Variants in ARMH3 observed in about 807,000 individuals in gnomAD.
ARMH3 encodes armadillo-like helical domain-containing protein 3.
Under a neutral mutation model 99.1 loss-of-function variants are expected in ARMH3, and 60 were observed. That is an observed-to-expected ratio of 0.61 (90% CI 0.49 to 0.75). The LOEUF is 0.75. ARMH3 is among the 30% of genes least tolerant of loss of function. ARMH3 has a pLI of 0.00. For missense variants in ARMH3, 679 were observed against 843.1 expected (o/e 0.81, Z 2.41); for synonymous variants, 285 against 292.8 (o/e 0.97, Z 0.27).
intron 23 of ARMH3, among the ~76,000 whole-genome samples, chr10:101,897,771 C>T (rs1441413422): frequency 3.3e-5 from 5 of 152,190 alleles, no homozygotes; most frequent in Non-Finnish European, 5.9e-5. Context: ...GGCACTGTGC[C>T]CAATGCACCT....
At chr10:102,044,180 G>A (rs184274507) in intron 1 of ARMH3, among the ~76,000 whole-genome samples, 78 of 146,464 alleles carry the variant, frequency 5.3e-4, no homozygotes, top group African/African-American at 1.8e-3. Flanking sequence ...TGCAAGCTCC[G>A]CCTCCTGGGT....
chr10:101,864,078 AACACACACACACAC>A (rs71016353), intron 24 of ARMH3, among the ~76,000 whole-genome samples: 2 of 106,278 alleles, frequency 1.9e-5, no homozygotes, highest in Non-Finnish European at 1.9e-5. Context: ...AAAAAAAAAA[AACACACACACACAC>A]ACACACACAC....
chr10:101,932,172 A>T (rs1271393418), intron 23 of ARMH3, among the ~76,000 whole-genome samples: 1 of 152,256 alleles, frequency 6.6e-6, no homozygotes, highest in Non-Finnish European at 1.5e-5. Flanking sequence ...ATCACTAGTT[A>T]TTTAAAAAAA....
At chr10:101,987,294 G>A (rs1049910950) in intron 19 of ARMH3, among the ~76,000 whole-genome samples, 3 of 152,016 alleles carry the variant, frequency 2.0e-5, no homozygotes, top group Non-Finnish European at 4.4e-5. Flanking sequence ...AAACATGCTG[G>A]TCCCCTACGT....
At chr10:101,900,134 C>A (rs1438094035) in intron 23 of ARMH3, among the ~76,000 whole-genome samples, 1 of 152,160 alleles carries the variant, frequency 6.6e-6, no homozygotes, top group African/African-American at 2.4e-5. Flanking sequence ...TAAGATTATC[C>A]TATCGTTGCT....
chr10:101,986,389 G>T lies in ARMH3; in HGVS notation c.1406+4162C>A, dbSNP rs746413405. 1.1e-3 allele frequency among the ~76,000 whole-genome samples: 171 copies of T among 152,072 alleles called. 4 individuals carry two copies. The highest frequency in any genetic ancestry group is 3.1e-4 in the Non-Finnish European group (21 of 68,014). ...AGCAAGAATCAAGGAGTACAGCTAG[G>T]AGGTGAAAGTAATTGGTTCGGTTTT... On this transcript the variant is annotated intron_variant, in intron 19 of 25. Coordinates refer to ENST00000370033, the MANE Select transcript of ARMH3 (RefSeq NM_024541.3).
At chr10:101,877,830 T>C (rs1237915996) in intron 24 of ARMH3, among the ~76,000 whole-genome samples, 2 of 152,172 alleles carry the variant, frequency 1.3e-5, no homozygotes, top group Admixed American at 1.3e-4. Context: ...CTGACAGTGA[T>C]AGAGATGAAT....
intron 24 of ARMH3, among the ~76,000 whole-genome samples, chr10:101,869,760 A>G (rs1036783564): frequency 1.2e-4 from 18 of 152,254 alleles, no homozygotes; most frequent in African/African-American, 3.4e-4. Flanking sequence ...CAGGCTGGGC[A>G]TAGTGGTAAC....
At chr10:101,947,936 C>T (rs1844620537) in intron 22 of ARMH3, among the ~76,000 whole-genome samples, 1 of 151,650 alleles carries the variant, frequency 6.6e-6, no homozygotes, top group Middle Eastern at 3.2e-3. Context: ...AGAGTAACTG[C>T]TAAAAAATAC....
chr10:101,908,664 CTTTT>C (rs373262667), intron 23 of ARMH3, among the ~76,000 whole-genome samples: 3 of 137,338 alleles, frequency 2.2e-5, no homozygotes, highest in Non-Finnish European at 4.8e-5. Context: ...TTTTCTTTTT[CTTTT>C]TTTTTTTTTT....
chr10:101,863,455 A>C (rs927896435), intron 24 of ARMH3, among the ~76,000 whole-genome samples: 1 of 152,234 alleles, frequency 6.6e-6, no homozygotes, highest in Non-Finnish European at 1.5e-5. Context: ...TACAAGTTGA[A>C]GGTTTCCATA....
chr10:101,962,055 TGA>T (rs1195703837), intron 20 of ARMH3, among the ~76,000 whole-genome samples: 2 of 152,240 alleles, frequency 1.3e-5, no homozygotes, highest in Non-Finnish European at 2.9e-5. Flanking sequence ...ACTCCTGGTC[TGA>T]GAGATTTCCA....
At chr10:102,003,750 C>A (rs1484945075) in intron 14 of ARMH3, among the ~76,000 whole-genome samples, 1 of 152,188 alleles carries the variant, frequency 6.6e-6, no homozygotes, top group Non-Finnish European at 1.5e-5. Flanking sequence ...GAAACATTTG[C>A]ATTTTATGAA....
intron 24 of ARMH3, among the ~76,000 whole-genome samples, chr10:101,881,052 T>A (rs1020059023): frequency 1.1e-4 from 16 of 152,234 alleles, no homozygotes; most frequent in African/African-American, 3.9e-4. Context: ...CATTCAGATA[T>A]AAAGCATGTT....
intron 23 of ARMH3, among the ~76,000 whole-genome samples, chr10:101,901,248 GGA>G (rs1335405981): frequency 6.7e-6 from 1 of 148,764 alleles, no homozygotes; most frequent in Non-Finnish European, 1.5e-5. Flanking sequence ...TTCACATACA[GGA>G]GAGATGAGAG....
chr10:101,924,148 A>G (rs1843410607), intron 23 of ARMH3, among the ~76,000 whole-genome samples: 1 of 152,208 alleles, frequency 6.6e-6, no homozygotes, highest in Non-Finnish European at 1.5e-5. Context: ...CATAATCAGG[A>G]TTCGAAAAAT....
At chr10:101,987,194 T>C (rs775930602) in intron 19 of ARMH3, among the ~76,000 whole-genome samples, 3 of 152,026 alleles carry the variant, frequency 2.0e-5, no homozygotes, top group African/African-American at 4.8e-5. Context: ...TTCTACTCTC[T>C]TATCCTCCCT....
intron 8 of ARMH3, among the ~76,000 whole-genome samples, chr10:102,014,632 A>G (rs1245160108): frequency 6.6e-6 from 1 of 152,180 alleles, no homozygotes; most frequent in Non-Finnish European, 1.5e-5. Context: ...TGCAGGGAGA[A>G]CTGAAAAAAA....
At chr10:101,981,159 GTTTT>G (rs1189161624) in intron 19 of ARMH3, among the ~76,000 whole-genome samples, 1 of 151,014 alleles carries the variant, frequency 6.6e-6, no homozygotes, top group Admixed American at 6.6e-5. Flanking sequence ...ACATGTAATC[GTTTT>G]TTTGTTTTTT....
Sources: allele counts gnomAD v4.1 joint callset (sites outside exome capture counted in the v4.1 genomes callset), GRCh38; gene constraint gnomAD v4.1.1; transcripts MANE v1.5; gene names NCBI Gene and HGNC (gene_info 2026-07-23, HGNC 2026-07-21).